Variants in GCSAML observed in about 807,000 individuals in gnomAD.
GCSAML encodes the protein germinal center-associated signaling and motility-like protein.
In GCSAML, 9 loss-of-function variants were observed where a neutral mutation model predicts 13.0. The ratio of observed to expected loss-of-function variants is 0.69; its 90% CI spans 0.42 to 1.21. The LOEUF is 1.21. Among genes scored for constraint, GCSAML ranks in the 50% most tolerant of loss-of-function variants. The probability of loss-of-function intolerance (pLI) is 0.00; values close to 1 mark genes in which losing one functional copy is unlikely to be tolerated. For synonymous variants in GCSAML, 37 were observed against 52.9 expected (o/e 0.70, Z 1.31); for missense variants, 143 against 153.4 (o/e 0.93, Z 0.36).
intron 1 of GCSAML, among the ~76,000 whole-genome samples, chr1:247,522,239 C>T (rs575365769): frequency 1.6e-4 from 18 of 110,820 alleles, no homozygotes; most frequent in Non-Finnish European, 2.2e-4. Flanking sequence ...CCGCCCTGTC[C>T]GGGAGGGAGG....
At position 247,563,972 on chromosome 1, in the gene GCSAML, G is replaced by T. The variant is rs115255517; in HGVS notation, c.139+333G>T. Among the ~76,000 whole-genome samples, 359 of 151,490 alleles carry T rather than the reference G, an allele frequency of 2.4e-3. 3 individuals carry two copies. The highest frequency in any genetic ancestry group is 8.2e-3 in the African/African-American group (340 of 41,268). ...TTTTGAGATGGAGTCCCACCCTATC[G>T]CCCAGGCTGGAGTGCAGTGTCACAA... On this transcript the variant is annotated intron_variant, in intron 3 of 4. Transcript: ENST00000366488.
chr1:247,511,913 G>A (rs1019768257), intron 1 of GCSAML, among the ~76,000 whole-genome samples: 3 of 152,146 alleles, frequency 2.0e-5, no homozygotes, highest in Admixed American at 1.3e-4. Context: ...TTGGTAACCC[G>A]ACCTTTCTCT....
At chr1:247,542,814 C>T (rs1667454576) in intron 2 of GCSAML, among the ~76,000 whole-genome samples, 1 of 151,982 alleles carries the variant, frequency 6.6e-6, no homozygotes, top group Non-Finnish European at 1.5e-5. Context: ...TCTACTTAGT[C>T]CAAAATAAAA....
intron 1 of GCSAML, chr1:247,519,072 A>AAAACAAAC (rs34895948): frequency 4.6e-5 from 7 of 152,100 alleles, no homozygotes; most frequent in African/African-American, 1.7e-4. Flanking sequence ...AACAAAAACA[A>AAAACAAAC]AAACAAACAA....
intron 1 of GCSAML, among the ~76,000 whole-genome samples, chr1:247,511,108 TTTATTGTGTGGGAGTCTAAGTCTCTTA>T (rs529422363): frequency 9.8e-4 from 149 of 151,824 alleles, no homozygotes; most frequent in South Asian, 5.4e-3. Context: ...GTCTCCCCAG[TTTATTGTGTGGGAGTCTAAGTCTCTTA>T]TTATTGTGTG....
intron 2 of GCSAML, among the ~76,000 whole-genome samples, chr1:247,539,058 A>G (rs555119907): frequency 6.6e-6 from 1 of 152,326 alleles, no homozygotes; most frequent in African/African-American, 2.4e-5. Flanking sequence ...AATCACTGAA[A>G]TGATGAGTTT....
intron 4 of GCSAML, among the ~76,000 whole-genome samples, chr1:247,567,801 A>G (rs1032961332): frequency 2.6e-5 from 4 of 152,200 alleles, no homozygotes; most frequent in African/African-American, 4.8e-5. Context: ...CCAACAGTGT[A>G]AAAGCGTTCC....
rs573168808 is a variant in GCSAML, at chr1:247,576,304, G to A, written c.*1922G>A. 12 of 152,246 alleles carry A rather than the reference G, an allele frequency of 7.9e-5. No homozygotes were observed. Among genetic ancestry groups the A allele is most frequent in the African/African-American group, 2.4e-4 (10 of 41,546 alleles). 9.4% of individuals were successfully genotyped at this position (152,246 alleles called of 1,614,324 possible). A position where few individuals can be genotyped will look rare whatever the true frequency, so the allele number is the denominator to read the frequency against. On this transcript the variant is annotated 3_prime_UTR_variant, in exon 5 of 5. Transcript: ENST00000366488. The stretch of plus-strand genomic sequence containing the variant: ...TCATGCCAGTGATCCGAGTACTTTG[G>A]GAAGCCAAGACAGGTGGATCTCTTG...
At chr1:247,516,334 C>T (rs148465843) in intron 1 of GCSAML, among the ~76,000 whole-genome samples, 12 of 152,278 alleles carry the variant, frequency 7.9e-5, no homozygotes, top group African/African-American at 2.4e-4. Flanking sequence ...CCTACGTCTG[C>T]GACAGAGCAA....
upstream of GCSAML, among the ~76,000 whole-genome samples, chr1:247,544,257 A>T (rs1246480801): frequency 6.6e-6 from 1 of 152,228 alleles, no homozygotes; most frequent in African/African-American, 2.4e-5. Context: ...TGTATCATTC[A>T]TCAGTCAGGA....
In GCSAML at chr1:247,527,599, T is replaced by G. The variant is rs1666734833; in HGVS notation, c.-148+545T>G. 6.6e-6 allele frequency: 1 copy of G among 152,560 alleles called. No individual in the cohort carries two copies. The highest frequency in any genetic ancestry group is 6.5e-5 in the Admixed American group (1 of 15,322). 9.5% of individuals were successfully genotyped at this position (152,560 alleles called of 1,614,324 possible). On this transcript the variant is annotated intron_variant, in intron 2 of 5. Coordinates refer to the GCSAML transcript ENST00000366489. This position sits in a 1 kb window ranked among gnomAD's most constrained non-coding sequence, Gnocchi z 4.6. ...TCAGATCTTGAATGTTTGAAAATTT[T>G]TTTATTTTAGCTTTTAGTGGACATA... is the stretch of plus-strand genomic sequence containing the variant.
intron 1 of GCSAML, among the ~76,000 whole-genome samples, chr1:247,513,803 T>A (rs1666124104): frequency 6.6e-6 from 1 of 152,134 alleles, no homozygotes; most frequent in South Asian, 2.1e-4. Flanking sequence ...GGTGAGGCAA[T>A]GCTCCACCCT....
At chr1:247,524,105 A>G (rs1285859539) in intron 1 of GCSAML, among the ~76,000 whole-genome samples, 6 of 152,190 alleles carry the variant, frequency 3.9e-5, no homozygotes, top group African/African-American at 1.4e-4. Flanking sequence ...ACAATCTGGA[A>G]GATCGCAGGC....
intron 1 of GCSAML, among the ~76,000 whole-genome samples, chr1:247,552,427 G>A (rs915159847): frequency 6.6e-6 from 1 of 152,148 alleles, no homozygotes; most frequent in Non-Finnish European, 1.5e-5. Flanking sequence ...CTTGTCAGAG[G>A]CCTGTTACCT....
At position 247,522,307 on chromosome 1, in the gene GCSAML, T is replaced by C. The variant is rs1373236924; in HGVS notation, c.-262-4633T>C. 9.8e-3 allele frequency among the ~76,000 whole-genome samples: 320 copies of C among 32,734 alleles called. 6 individuals carry two copies. Among genetic ancestry groups the C allele is most frequent in the African/African-American group, 0.012 (127 of 10,748 alleles). 21.5% of individuals were successfully genotyped at this position (32,734 alleles called of 152,430 possible). A position where few individuals can be genotyped will look rare whatever the true frequency, so the allele number is the denominator to read the frequency against. ...GTCCGGGAGGGAGGTGGGGGGCGCC[T>C]CCACCTGGCCGCCGCCCCGTCTGGG... On this transcript the variant is annotated intron_variant, in intron 1 of 5. Coordinates refer to the GCSAML transcript ENST00000366489.
chr1:247,565,135 A>G (rs1182343419), intron 3 of GCSAML, among the ~76,000 whole-genome samples: 3 of 152,088 alleles, frequency 2.0e-5, no homozygotes, highest in Admixed American at 2.0e-4. Flanking sequence ...CGAGGTGGGC[A>G]GATCACGAGG....
intron 2 of GCSAML, chr1:247,531,878 G>T: frequency 6.2e-7 from 1 of 1,614,216 alleles, no homozygotes; most frequent in Non-Finnish European, 8.5e-7. Flanking sequence ...ATGAGCCCCA[G>T]AGGCAGGACA....
At chr1:247,567,080 G>T (rs1668405598) in intron 4 of GCSAML, among the ~76,000 whole-genome samples, 1 of 149,918 alleles carries the variant, frequency 6.7e-6, no homozygotes, top group African/African-American at 2.4e-5. Flanking sequence ...CTATAATGAG[G>T]TCTCTAAGAC....
chr1:247,555,956 C>T (rs1235555594), intron 1 of GCSAML, among the ~76,000 whole-genome samples: 3 of 152,172 alleles, frequency 2.0e-5, no homozygotes, highest in Non-Finnish European at 4.4e-5. Flanking sequence ...CATGGATGCC[C>T]ACATGCAGCA....
Sources: allele counts gnomAD v4.1 joint callset (sites outside exome capture counted in the v4.1 genomes callset), GRCh38; gene constraint gnomAD v4.1.1; non-coding constraint Gnocchi (gnomAD v3.1); transcripts MANE v1.5; gene names NCBI Gene and HGNC (gene_info 2026-07-23, HGNC 2026-07-21).